Variants in IL1RAPL2 observed in about 807,000 individuals in gnomAD.
The protein encoded by IL1RAPL2 is X-linked interleukin-1 receptor accessory protein-like 2.
A neutral mutation model predicts 44.1 loss-of-function variants in IL1RAPL2; 3 were observed. The observed-to-expected ratio is 0.07, with a 90% CI of 0.03 to 0.18. IL1RAPL2 has a LOEUF of 0.18. Ranked by LOEUF, IL1RAPL2 falls within the 10% of genes least tolerant of loss-of-function variation. The probability of loss-of-function intolerance (pLI) is 1.00; values close to 1 mark genes in which losing one functional copy is unlikely to be tolerated. For synonymous variants in IL1RAPL2, 181 were observed against 178.8 expected, an observed-to-expected ratio of 1.01 and a Z score of -0.10; for missense variants, 391 against 496.4, an observed-to-expected ratio of 0.79 and a Z score of 2.02.
chrX:105,221,426 A>AG (rs1556182074), intron 3 of IL1RAPL2, among the ~76,000 whole-genome samples: 1 of 110,683 alleles, frequency 9.0e-6, no homozygotes, highest in Non-Finnish European at 1.9e-5. Context: ...AAAAAAAAAA[A>AG]GAAAAACGAG....
At chrX:105,082,779 A>T (rs2032430226) in intron 2 of IL1RAPL2, among the ~76,000 whole-genome samples, 1 of 111,720 alleles carries the variant, frequency 9.0e-6, no homozygotes, top group Admixed American at 9.5e-5. Flanking sequence ...ACGTCCACTC[A>T]GAGACCCCAT....
At chrX:105,052,318 G>A (rs749428459) in intron 2 of IL1RAPL2, among the ~76,000 whole-genome samples, 1 of 112,154 alleles carries the variant, frequency 8.9e-6, no homozygotes, top group South Asian at 3.7e-4. Flanking sequence ...TCCACTTAGA[G>A]CCCATTGTCT....
chrX:104,683,519 C>T (rs1187421144), intron 2 of IL1RAPL2, among the ~76,000 whole-genome samples: 1 of 112,177 alleles, frequency 8.9e-6, no homozygotes, highest in Admixed American at 9.5e-5. Flanking sequence ...ACAGCAGCTT[C>T]ACTTTTGTTT....
rs1921500708 is a variant in IL1RAPL2 at position 104,827,955 on chromosome X, G to A, written c.82+168960G>A. ...TGTGTATGCTTCACGAAGTTCTCGTGCTGTGTTTTTCAGCTCCACTGGGTC... is the reference window on the plus strand; with the variant it reads ...TGTGTATGCTTCACGAAGTTCTCGTACTGTGTTTTTCAGCTCCACTGGGTC... On this transcript the variant is annotated intron_variant, in intron 2 of 10. Coordinates refer to ENST00000372582, the MANE Select transcript of IL1RAPL2 (RefSeq NM_017416.2). Among the ~76,000 whole-genome samples, 3 of 111,637 alleles carry A rather than the reference G, an allele frequency of 2.7e-5. No individual in the cohort carries two copies. In the Admixed American group the frequency reaches 2.9e-4, roughly 11 times the overall value.
At chrX:105,567,992 G>T (rs1010696909) in intron 6 of IL1RAPL2, among the ~76,000 whole-genome samples, 6 of 110,784 alleles carry the variant, frequency 5.4e-5, no homozygotes, top group African/African-American at 2.0e-4. Flanking sequence ...TTTACAAAGG[G>T]TACCTTCTGC....
chrX:104,781,273 G>T (rs1001534135), intron 2 of IL1RAPL2, among the ~76,000 whole-genome samples: 14 of 110,936 alleles, frequency 1.3e-4, no homozygotes, highest in African/African-American at 4.6e-4. Flanking sequence ...CTTTACAGAT[G>T]AGGAAATTGG....
intron 2 of IL1RAPL2, among the ~76,000 whole-genome samples, chrX:105,112,052 G>A (rs1245132639): frequency 8.9e-6 from 1 of 111,857 alleles, no homozygotes; most frequent in East Asian, 2.8e-4. Context: ...ACCAACTCAA[G>A]CTCTGCCAAA....
At chrX:105,299,185 G>GA (rs2034676796) in intron 5 of IL1RAPL2, among the ~76,000 whole-genome samples, 1 of 111,833 alleles carries the variant, frequency 8.9e-6, no homozygotes, top group African/African-American at 3.3e-5. Flanking sequence ...AATTGACATA[G>GA]AAAAAATTGC....
At chrX:105,258,289 T>A (rs1355699058) in intron 4 of IL1RAPL2, among the ~76,000 whole-genome samples, 1 of 111,722 alleles carries the variant, frequency 9.0e-6, no homozygotes, top group African/African-American at 3.3e-5. Context: ...GAGTTTCAGC[T>A]GGGAGGTCTG....
At chrX:104,958,350 G>A (rs1475479456) in intron 2 of IL1RAPL2, among the ~76,000 whole-genome samples, 3 of 108,012 alleles carry the variant, frequency 2.8e-5, no homozygotes, top group Non-Finnish European at 5.7e-5. Context: ...CATTGAACCT[G>A]ACTACCAGGT....
At chrX:104,643,409 C>T (rs752867534) in intron 1 of IL1RAPL2, among the ~76,000 whole-genome samples, 1 of 111,695 alleles carries the variant, frequency 9.0e-6, no homozygotes, top group Non-Finnish European at 1.9e-5. Flanking sequence ...TTGAGTTAAT[C>T]CCTAGAAGAC....
chrX:104,766,381 GC>G (rs1377705924), intron 2 of IL1RAPL2, among the ~76,000 whole-genome samples: 2 of 109,282 alleles, frequency 1.8e-5, no homozygotes, highest in Non-Finnish European at 3.8e-5. Flanking sequence ...CTGCCTGCCT[GC>G]CTGCCTGCCT....
intron 2 of IL1RAPL2, among the ~76,000 whole-genome samples, chrX:104,667,119 C>T (rs1047797315): frequency 9.0e-6 from 1 of 110,766 alleles, no homozygotes; most frequent in African/African-American, 3.3e-5. Context: ...AGTGTGCTCT[C>T]CCTAAATGGT....
At chrX:105,252,463 T>C (rs1361602660) in intron 4 of IL1RAPL2, among the ~76,000 whole-genome samples, 1 of 111,752 alleles carries the variant, frequency 8.9e-6, no homozygotes, top group Non-Finnish European at 1.9e-5. Context: ...TTAACAGGCA[T>C]GCCTTTTTAA....
intron 2 of IL1RAPL2, among the ~76,000 whole-genome samples, chrX:104,747,322 C>T (rs1179281859): frequency 9.0e-6 from 1 of 111,316 alleles, no homozygotes; most frequent in African/African-American, 3.3e-5. Context: ...TGCCTTTTCC[C>T]TTCCTCCTTC....
intron 5 of IL1RAPL2, among the ~76,000 whole-genome samples, chrX:105,330,220 G>T (rs1026943336): frequency 9.0e-6 from 1 of 111,292 alleles, no homozygotes; most frequent in Admixed American, 9.6e-5. Flanking sequence ...GAACTTGTTG[G>T]ATCCCTTCTG....
At chrX:104,695,834 G>A (rs931161697) in intron 2 of IL1RAPL2, among the ~76,000 whole-genome samples, 6 of 110,715 alleles carry the variant, frequency 5.4e-5, no homozygotes, top group Admixed American at 1.9e-4. Flanking sequence ...TTGAGATGGC[G>A]TCTCACTCTG....
chrX:104,926,182 T>C (rs1282405207), intron 2 of IL1RAPL2, among the ~76,000 whole-genome samples: 2 of 111,855 alleles, frequency 1.8e-5, no homozygotes, highest in Non-Finnish European at 3.8e-5. Flanking sequence ...ACTACCCTGA[T>C]AGAAATCTTT....
intron 2 of IL1RAPL2, among the ~76,000 whole-genome samples, chrX:104,832,402 C>G (rs1320727561): frequency 9.0e-6 from 1 of 111,099 alleles, no homozygotes; most frequent in Non-Finnish European, 1.9e-5. Context: ...AGATTTCATT[C>G]TATCTGCTTT....
Sources: allele counts gnomAD v4.1 joint callset (sites outside exome capture counted in the v4.1 genomes callset), GRCh38; gene constraint gnomAD v4.1.1; transcripts MANE v1.5; gene names NCBI Gene and HGNC (gene_info 2026-07-23, HGNC 2026-07-21).